MICU2: variants seen among roughly 807,000 people sequenced by gnomAD.
MICU2 encodes the protein mitochondrial calcium uptake 2.
MICU2 carries 64 observed loss-of-function variants against 60.4 expected under a neutral mutation model. That is an observed-to-expected ratio of 1.06 (90% CI 0.87 to 1.31). MICU2 has a LOEUF of 1.31. MICU2 is among the 50% of genes most tolerant of loss of function. The pLI, the probability that MICU2 is intolerant of heterozygous loss-of-function variation, is 0.00. For missense variants in MICU2, 569 were observed against 531.0 expected (o/e 1.07, Z -0.70); for synonymous variants, 201 against 175.0 (o/e 1.15, Z -1.17).
chr13:21,603,558 A>C, intron 1 of MICU2: 1 of 257,838 alleles, frequency 3.9e-6, no homozygotes, highest in Non-Finnish European at 7.4e-6. Context: ...GCGGATGTGA[A>C]TGCCACTTCA....
rs1446522759 is a variant in MICU2 at position 21,495,295 on chromosome 13, C to T, written c.1066G>A (p.Val356Ile). The change falls in exon 11 of 12, where the codon GTA becomes ATA. Residue 356 changes from valine to isoleucine, a missense_variant. Val to Ile is a conservative substitution (Grantham distance 29). Coordinates refer to ENST00000382374, the MANE Select transcript of MICU2 (RefSeq NM_152726.3). ...TTTGAGAGTTCTTGTCCTGTTGCTA[C>T]TTTCACAGCTCTCTTAAACTCCGCT... ...RLAEFKRAVK[V>I]ATGQELSNNI... is the part of the protein sequence containing the mutation. 1 of 1,607,206 alleles carries T rather than the reference C, an allele frequency of 6.2e-7. No individual in the cohort carries two copies. The highest frequency in any genetic ancestry group is 8.5e-7 in the Non-Finnish European group (1 of 1,176,564).
chr13:21,572,254 C>T (rs1252589973), intron 1 of MICU2, among the ~76,000 whole-genome samples: 7 of 152,222 alleles, frequency 4.6e-5, no homozygotes, highest in Non-Finnish European at 8.8e-5. Context: ...CAGCTGTACG[C>T]TGTGTCCGGG....
intron 1 of MICU2, among the ~76,000 whole-genome samples, chr13:21,585,027 C>T (rs1888428379): frequency 6.6e-6 from 1 of 152,108 alleles, no homozygotes; most frequent in South Asian, 2.1e-4. Context: ...TTGTTCTTTC[C>T]CCCAGAAGAG....
chr13:21,519,222 A>G (rs1886656564), intron 6 of MICU2, among the ~76,000 whole-genome samples: 1 of 151,972 alleles, frequency 6.6e-6, no homozygotes, highest in Non-Finnish European at 1.5e-5. Context: ...ACGCCCGGCT[A>G]ATTTTTTGTA....
Position 21,509,994 on chromosome 13 carries a change from T to C in MICU2, c.761+10A>G, listed in dbSNP as rs754414945. ...AATTTCCCTAAATGAATGTAAATAT[T>C]TGCATTTACCTTCGAAATTCTTTAT... On this transcript the variant is annotated intron_variant, in intron 8 of 11. Coordinates refer to ENST00000382374, the MANE Select transcript of MICU2 (RefSeq NM_152726.3). 6.8e-7 allele frequency: 1 copy of C among 1,470,014 alleles called. No individual in the cohort carries two copies. Among genetic ancestry groups the C allele is most frequent in the South Asian group, 1.3e-5 (1 of 75,130 alleles). 91.1% of individuals were successfully genotyped at this position (1,470,014 alleles called of 1,614,324 possible).
rs551982015 is a variant in MICU2, at chr13:21,604,055, G to A, written c.94C>T (p.Pro32Ser). The change falls in exon 1 of 12, where the codon CCC (proline) becomes TCC (serine). Residue 32 changes from proline (P) to serine (S), a missense_variant. Coordinates refer to ENST00000382374, the MANE Select transcript of MICU2 (RefSeq NM_152726.3). ...GCCACTGCCGCTGCCAAGGGGCCGG[G>A]ACTCCGCACAGCCTGTCGGCTGACA... is the stretch of plus-strand genomic sequence containing the variant. Reference protein sequence around the residue: ...LAVSRQAVRSPGPLAAAVAGA... With the variant: ...LAVSRQAVRSSGPLAAAVAGA... The A allele has an allele frequency of 1.0e-5, 16 of 1,604,472 alleles. No homozygotes were observed. Among genetic ancestry groups the A allele is most frequent in the East Asian group, 6.7e-5 (3 of 44,512 alleles).
At chr13:21,557,200 G>A (rs1034324681) in intron 2 of MICU2, among the ~76,000 whole-genome samples, 1 of 152,164 alleles carries the variant, frequency 6.6e-6, no homozygotes, top group Non-Finnish European at 1.5e-5. Flanking sequence ...GCCAGAGAAT[G>A]GGATTCTGCA....
chr13:21,502,543 T>C (rs187307879), intron 9 of MICU2, among the ~76,000 whole-genome samples: 230 of 152,336 alleles, frequency 1.5e-3, no homozygotes, highest in African/African-American at 5.3e-3. Context: ...GTTTTTCTAC[T>C]GGATTCTCTT....
chr13:21,585,903 C>CTAGTA (rs1888446076), intron 1 of MICU2, among the ~76,000 whole-genome samples: 1 of 152,068 alleles, frequency 6.6e-6, no homozygotes, highest in Non-Finnish European at 1.5e-5. Flanking sequence ...AGCAAACCAT[C>CTAGTA]TAGTATTCTC....
intron 1 of MICU2, 30 bp downstream of exon 1, chr13:21,603,909 T>G (rs781482814): frequency 6.2e-7 from 1 of 1,607,668 alleles, no homozygotes; most frequent in South Asian, 1.1e-5. Flanking sequence ...GGAGCTTGAC[T>G]GGGGCTAGCA....
intron 6 of MICU2, among the ~76,000 whole-genome samples, chr13:21,514,770 G>A (rs1398759252): frequency 6.6e-6 from 1 of 150,744 alleles, no homozygotes; most frequent in Admixed American, 6.6e-5. Context: ...TCGATCTCCT[G>A]ACTTTGTGAT....
chr13:21,596,882 A>C (rs1171841544), intron 1 of MICU2, among the ~76,000 whole-genome samples: 1 of 152,226 alleles, frequency 6.6e-6, no homozygotes, highest in Non-Finnish European at 1.5e-5. Flanking sequence ...CATGCATTTG[A>C]CTAAAATGCA....
At chr13:21,515,133 G>C (rs1463497699) in intron 6 of MICU2, among the ~76,000 whole-genome samples, 1 of 149,578 alleles carries the variant, frequency 6.7e-6, no homozygotes, top group African/African-American at 2.5e-5. Flanking sequence ...CCAGGCTGGA[G>C]TGCAGTGGCA....
At chr13:21,559,193 T>C (rs910125340) in intron 2 of MICU2, among the ~76,000 whole-genome samples, 1 of 152,222 alleles carries the variant, frequency 6.6e-6, no homozygotes, top group Non-Finnish European at 1.5e-5. Context: ...CAGTGGGAAG[T>C]GGGCCAATGG....
At position 21,603,942 on chromosome 13, in the gene MICU2, T is replaced by G. The variant is rs766408099; in HGVS notation, c.207A>C (p.Ala69=). 5.0e-6 allele frequency: 8 copies of G among 1,612,480 alleles called. No homozygotes were observed. The highest frequency in any genetic ancestry group is 3.3e-4 in the Middle Eastern group (2 of 6,002). The change falls in exon 1 of 12, where the codon GCA becomes GCC. Residue 69 remains alanine, a synonymous_variant. Coordinates refer to ENST00000382374, the MANE Select transcript of MICU2 (RefSeq NM_152726.3). ...GCAGAAGGAGTTAGTCCTGTACCTG[T>G]GCGGAGACTGTAAAACTGCCATCCC... The part of the protein sequence containing the change: ...AARDGSFTVS[A]QKNVEHGIIY...
intron 2 of MICU2, among the ~76,000 whole-genome samples, chr13:21,541,214 T>A (rs1887274402): frequency 6.6e-6 from 1 of 152,050 alleles, no homozygotes; most frequent in Non-Finnish European, 1.5e-5. Context: ...GTTATCTGTT[T>A]GAAGGCTAGA....
intron 2 of MICU2, among the ~76,000 whole-genome samples, chr13:21,551,634 G>A (rs1235168221): frequency 1.5e-5 from 2 of 129,598 alleles, no homozygotes; most frequent in Non-Finnish European, 3.1e-5. Flanking sequence ...TCCCCTTCCT[G>A]TGTCCACGTG....
intron 1 of MICU2, among the ~76,000 whole-genome samples, chr13:21,590,028 A>G (rs1888546369): frequency 6.6e-6 from 1 of 152,186 alleles, no homozygotes; most frequent in Admixed American, 6.5e-5. Flanking sequence ...CTTTTGCAGC[A>G]CCAAAACTTT....
intron 2 of MICU2, among the ~76,000 whole-genome samples, chr13:21,554,210 C>T (rs1270308494): frequency 1.3e-5 from 2 of 152,276 alleles, no homozygotes; most frequent in South Asian, 4.1e-4. Context: ...ACTCTCCACC[C>T]CAAATCAACA....
Sources: allele counts gnomAD v4.1 joint callset (sites outside exome capture counted in the v4.1 genomes callset), GRCh38; gene constraint gnomAD v4.1.1; transcripts MANE v1.5; gene names NCBI Gene and HGNC (gene_info 2026-07-23, HGNC 2026-07-21).